MDGA2: variants seen among roughly 807,000 people sequenced by gnomAD.
MDGA2 encodes MAM domain-containing glycosylphosphatidylinositol anchor protein 2.
A neutral mutation model predicts 117.8 loss-of-function variants in MDGA2; 40 were observed. That is an observed-to-expected ratio of 0.34 (90% confidence interval 0.26 to 0.44). MDGA2 has a LOEUF of 0.44. Ranked by LOEUF, MDGA2 falls within the 20% of genes least tolerant of loss-of-function variation. The pLI is 1.00. For synonymous variants in MDGA2, 452 were observed against 439.0 expected (o/e 1.03, Z -0.37); for missense variants, 1,123 against 1,250.6 (o/e 0.90, Z 1.54).
intron 8 of MDGA2, among the ~76,000 whole-genome samples, chr14:47,001,607 A>G (rs1014220886): frequency 6.6e-6 from 1 of 152,154 alleles, no homozygotes; most frequent in Non-Finnish European, 1.5e-5. Flanking sequence ...TCAATACAAA[A>G]ATAAAGTATT....
At chr14:46,920,369 A>C (rs1884079038) in intron 9 of MDGA2, among the ~76,000 whole-genome samples, 1 of 152,220 alleles carries the variant, frequency 6.6e-6, no homozygotes, top group Non-Finnish European at 1.5e-5. Context: ...AACACAAAGC[A>C]TTTGGCCTAA....
At chr14:47,650,249 C>A (rs981100238) in intron 1 of MDGA2, among the ~76,000 whole-genome samples, 3 of 152,176 alleles carry the variant, frequency 2.0e-5, no homozygotes, top group African/African-American at 7.2e-5. Flanking sequence ...GCTGGAACTA[C>A]GTCCTCAGCT....
chr14:47,227,313 T>C (rs1382746741), intron 2 of MDGA2, among the ~76,000 whole-genome samples: 1 of 152,170 alleles, frequency 6.6e-6, no homozygotes, highest in African/African-American at 2.4e-5. Context: ...TTGTGGGATA[T>C]GAAAGCCCTG....
intron 1 of MDGA2, among the ~76,000 whole-genome samples, chr14:47,564,183 C>T (rs999842089): frequency 1.3e-5 from 2 of 152,130 alleles, no homozygotes; most frequent in African/African-American, 4.8e-5. Context: ...CTGTCTTTAA[C>T]ATTTTTTCTT....
intron 9 of MDGA2, among the ~76,000 whole-genome samples, chr14:46,955,504 T>G (rs1286560239): frequency 1.3e-5 from 2 of 152,112 alleles, no homozygotes; most frequent in African/African-American, 4.8e-5. Context: ...CATCACAGTT[T>G]CCAAAATACC....
At chr14:47,249,940 C>T (rs1887389674) in intron 2 of MDGA2, among the ~76,000 whole-genome samples, 3 of 152,040 alleles carry the variant, frequency 2.0e-5, no homozygotes, top group Admixed American at 2.0e-4. Flanking sequence ...GGAAACAGAC[C>T]CTCACACTAT....
intron 2 of MDGA2, among the ~76,000 whole-genome samples, chr14:47,242,818 G>T (rs1481364382): frequency 1.3e-5 from 2 of 151,880 alleles, no homozygotes; most frequent in Non-Finnish European, 2.9e-5. Context: ...CCCAAGGGCT[G>T]AGGAATGCTA....
At chr14:47,586,474 G>A (rs1896327128) in intron 1 of MDGA2, among the ~76,000 whole-genome samples, 1 of 151,866 alleles carries the variant, frequency 6.6e-6, no homozygotes, top group African/African-American at 2.4e-5. Flanking sequence ...AATAAAGCAA[G>A]ACAATGAATG....
At chr14:47,546,175 C>T in intron 1 of MDGA2, among the ~76,000 whole-genome samples, 1 of 151,896 alleles carries the variant, frequency 6.6e-6, no homozygotes, top group East Asian at 1.9e-4. Flanking sequence ...TATATAGAAG[C>T]TTCATTTTAA....
intron 5 of MDGA2, among the ~76,000 whole-genome samples, chr14:47,127,118 T>C (rs1353850497): frequency 6.6e-6 from 1 of 152,176 alleles, no homozygotes; most frequent in Non-Finnish European, 1.5e-5. Flanking sequence ...ACAATATGTA[T>C]AATTTTCTTC....
At chr14:47,080,129 A>C (rs549447875) in intron 6 of MDGA2, among the ~76,000 whole-genome samples, 1 of 152,306 alleles carries the variant, frequency 6.6e-6, no homozygotes, top group African/African-American at 2.4e-5. Flanking sequence ...AATTCAATTT[A>C]ACAGATACTG....
intron 2 of MDGA2, among the ~76,000 whole-genome samples, chr14:47,231,954 A>C (rs573427863): frequency 6.6e-6 from 1 of 152,200 alleles, no homozygotes; most frequent in South Asian, 2.1e-4. Context: ...GTAAGATCAA[A>C]TGGGTTATGG....
At chr14:46,873,984 A>G in intron 13 of MDGA2, 61 bp downstream of exon 13, 1 of 1,309,806 alleles carries the variant, frequency 7.6e-7, no homozygotes, top group Admixed American at 2.7e-5. Flanking sequence ...AGTATTTCAT[A>G]TTTATAGCAG....
At chr14:47,306,833 G>A (rs912258111) in intron 1 of MDGA2, among the ~76,000 whole-genome samples, 2 of 78,606 alleles carry the variant, frequency 2.5e-5, no homozygotes, top group Non-Finnish European at 2.7e-5. Context: ...GACAGAGAAA[G>A]AGAAAGAGGG....
intron 1 of MDGA2, among the ~76,000 whole-genome samples, chr14:47,311,551 C>T (rs1889635617): frequency 6.6e-6 from 1 of 152,108 alleles, no homozygotes; most frequent in African/African-American, 2.4e-5. Flanking sequence ...GAACATACCC[C>T]AAGTCTGGCT....
At chr14:47,664,759 G>A (rs1897911556) in intron 1 of MDGA2, among the ~76,000 whole-genome samples, 1 of 152,178 alleles carries the variant, frequency 6.6e-6, no homozygotes, top group African/African-American at 2.4e-5. Flanking sequence ...TAGTCATTCT[G>A]GACCCATAGT....
intron 1 of MDGA2, among the ~76,000 whole-genome samples, chr14:47,653,122 A>C (rs1897675614): frequency 1.3e-5 from 2 of 152,156 alleles, no homozygotes; most frequent in Admixed American, 6.6e-5. Flanking sequence ...ACAAGAAATA[A>C]TCCTCACCAT....
At chr14:47,034,135 A>C (rs1382360585) in intron 8 of MDGA2, among the ~76,000 whole-genome samples, 3 of 152,200 alleles carry the variant, frequency 2.0e-5, no homozygotes. Flanking sequence ...GGTTGAGTAG[A>C]TTGTGTTTAG....
intron 5 of MDGA2, among the ~76,000 whole-genome samples, chr14:47,119,471 A>AT (rs1207333441): frequency 6.6e-6 from 1 of 152,178 alleles, no homozygotes; most frequent in Non-Finnish European, 1.5e-5. Flanking sequence ...TGTGCAGACC[A>AT]TGCATATTCA....
Sources: allele counts gnomAD v4.1 joint callset (sites outside exome capture counted in the v4.1 genomes callset), GRCh38; gene constraint gnomAD v4.1.1; transcripts MANE v1.5; gene names NCBI Gene and HGNC (gene_info 2026-07-23, HGNC 2026-07-21).